The following TBC1D22A variants were observed in gnomAD, a reference collection of about 807,000 sequenced individuals.
The protein encoded by TBC1D22A is putative GTPase activator.
A neutral mutation model predicts 60.2 loss-of-function variants in TBC1D22A; 38 were observed. The observed-to-expected ratio is 0.63, with a 90% CI of 0.49 to 0.83. TBC1D22A has a LOEUF of 0.83. TBC1D22A is among the 40% of genes least tolerant of loss of function. TBC1D22A has a pLI of 0.00. For missense variants in TBC1D22A, 628 were observed against 701.0 expected (o/e 0.90, Z 1.18); for synonymous variants, 302 against 281.7 (o/e 1.07, Z -0.72).
At chr22:46,987,050 A>T (rs1418137633) in intron 9 of TBC1D22A, among the ~76,000 whole-genome samples, 1 of 152,138 alleles carries the variant, frequency 6.6e-6, no homozygotes, top group African/African-American at 2.4e-5. Context: ...TGGCCTTGGG[A>T]TAGTCAGACC....
intron 12 of TBC1D22A, chr22:47,117,247 A>G (rs538574938): frequency 2.4e-5 from 4 of 166,646 alleles, no homozygotes; most frequent in Non-Finnish European, 5.2e-5. Flanking sequence ...GAAGCAGGAA[A>G]AATTGTGTCC....
intron 7 of TBC1D22A, among the ~76,000 whole-genome samples, chr22:46,908,543 C>G (rs2069658355): frequency 6.6e-6 from 1 of 152,186 alleles, no homozygotes; most frequent in Non-Finnish European, 1.5e-5. Flanking sequence ...CGAGTTAAAT[C>G]TGAAGAATTT....
intron 5 of TBC1D22A, among the ~76,000 whole-genome samples, chr22:46,882,466 G>T (rs191291947): frequency 3.3e-5 from 5 of 152,192 alleles, no homozygotes; most frequent in Middle Eastern, 3.2e-3. Context: ...GCAAGGTGGG[G>T]CATACATGAG....
intron 5 of TBC1D22A, among the ~76,000 whole-genome samples, chr22:46,891,034 C>A (rs574549266): frequency 6.6e-6 from 1 of 152,142 alleles, no homozygotes; most frequent in Non-Finnish European, 1.5e-5. Context: ...AGGCTGCGGA[C>A]GCAAGCCCAG....
rs868355772 is a variant in TBC1D22A, at chr22:47,070,045, T to C, written c.1329+32847T>C. 1.7e-3 allele frequency among the ~76,000 whole-genome samples: 192 copies of C among 114,294 alleles called. 1 individual carries two copies. Among genetic ancestry groups the C allele is most frequent in the African/African-American group, 3.2e-3 (79 of 24,940 alleles). 75.0% of individuals were successfully genotyped at this position (114,294 alleles called of 152,430 possible). On this transcript the variant is annotated intron_variant, in intron 11 of 12. Coordinates refer to ENST00000337137, the MANE Select transcript of TBC1D22A (RefSeq NM_014346.5). ...TTTGGTTGGAGCGGAGCTGACCTGA[T>C]GGTTCCAGGCTGTTCCCTGTTGTTT... is the stretch of plus-strand genomic sequence containing the variant.
intron 4 of TBC1D22A, among the ~76,000 whole-genome samples, chr22:46,798,123 T>C (rs1228932489): frequency 6.6e-6 from 1 of 152,218 alleles, no homozygotes; most frequent in Non-Finnish European, 1.5e-5. Flanking sequence ...GAGATCCTCC[T>C]GCCTCAGCCT....
chr22:46,813,419 G>A (rs945395730), intron 4 of TBC1D22A, among the ~76,000 whole-genome samples: 1 of 152,216 alleles, frequency 6.6e-6, no homozygotes, highest in Admixed American at 6.5e-5. Context: ...GCCAGTATGG[G>A]TGACTTCTCT....
intron 1 of TBC1D22A, among the ~76,000 whole-genome samples, chr22:46,788,051 C>T (rs938907019): frequency 1.3e-5 from 2 of 151,788 alleles, no homozygotes; most frequent in African/African-American, 4.8e-5. Flanking sequence ...ATTCTCTTGC[C>T]TCAGCCTCCT....
chr22:47,088,043 A>G (rs2064771302), intron 11 of TBC1D22A, among the ~76,000 whole-genome samples: 1 of 151,918 alleles, frequency 6.6e-6, no homozygotes. Flanking sequence ...ACTGCACTCC[A>G]GCCTGGGCAA....
intron 10 of TBC1D22A, among the ~76,000 whole-genome samples, chr22:47,033,356 G>A (rs951310525): frequency 6.6e-6 from 1 of 152,194 alleles, no homozygotes; most frequent in Non-Finnish European, 1.5e-5. Flanking sequence ...AAAACTCCTC[G>A]CTATTGCTGT....
At chr22:46,936,668 A>G (rs2071676820) in intron 8 of TBC1D22A, among the ~76,000 whole-genome samples, 2 of 152,222 alleles carry the variant, frequency 1.3e-5, no homozygotes, top group Admixed American at 1.3e-4. Context: ...TCTGCAATGG[A>G]GCCCTGAACA....
intron 11 of TBC1D22A, among the ~76,000 whole-genome samples, chr22:47,057,920 G>C (rs535015670): frequency 1.3e-5 from 2 of 152,330 alleles, no homozygotes; most frequent in African/African-American, 4.8e-5. Context: ...AAAGGGACCT[G>C]CTGGGCAGTT....
chr22:47,053,675 G>T (rs1046108985), intron 11 of TBC1D22A, among the ~76,000 whole-genome samples: 1 of 152,346 alleles, frequency 6.6e-6, no homozygotes, highest in Admixed American at 6.5e-5. Flanking sequence ...ACATATTGTC[G>T]GGCTCATCTT....
intron 12 of TBC1D22A, among the ~76,000 whole-genome samples, chr22:47,162,051 G>A (rs909081122): frequency 3.9e-5 from 6 of 152,158 alleles, no homozygotes; most frequent in Admixed American, 1.3e-4. Context: ...TGACCTGTTT[G>A]TCTCTTTCAA....
chr22:47,137,244 A>G (rs1241683764), intron 12 of TBC1D22A, among the ~76,000 whole-genome samples: 3 of 152,214 alleles, frequency 2.0e-5, no homozygotes, highest in African/African-American at 7.2e-5. Flanking sequence ...GATAAAGCAC[A>G]CAGAAGAAGT....
chr22:46,845,814 T>C (rs76948592), intron 4 of TBC1D22A, among the ~76,000 whole-genome samples: 1,580 of 152,330 alleles, frequency 0.01, 18 homozygotes, highest in Non-Finnish European at 0.015. Flanking sequence ...ATGATGATCA[T>C]GTACTAGTTG....
chr22:46,915,542 A>T (rs1164507719), intron 8 of TBC1D22A: 1 of 456,642 alleles, frequency 2.2e-6, no homozygotes, highest in Admixed American at 2.3e-5. Flanking sequence ...ACCTCCTGAG[A>T]GCTGCAGCTG....
At chr22:47,047,055 G>C (rs138872565) in intron 11 of TBC1D22A, among the ~76,000 whole-genome samples, 127 of 152,388 alleles carry the variant, frequency 8.3e-4, no homozygotes, top group Admixed American at 2.0e-3. Context: ...CTTTAGGCCT[G>C]TTGTGGGACG....
rs951063758 is a variant in TBC1D22A at position 47,009,612 on chromosome 22, C to T, written c.1201+11903C>T. On this transcript the variant is annotated intron_variant, in intron 10 of 12. Coordinates refer to ENST00000337137, the MANE Select transcript of TBC1D22A (RefSeq NM_014346.5). The surrounding 1 kb of genome is among the most constrained non-coding windows in gnomAD (Gnocchi z 5.8). ...ACCATCATTCTGTCATCACCATCAT[C>T]ATTACTATCACCATCATTTCATCAC... 6.6e-6 allele frequency among the ~76,000 whole-genome samples: 1 copy of T among 152,114 alleles called. No individual in the cohort carries two copies.
Sources: gnomAD v4.1 joint callset for allele counts (sites outside exome capture counted in the v4.1 genomes callset) on GRCh38, gnomAD v4.1.1 for gene constraint, Gnocchi (gnomAD v3.1) non-coding constraint, MANE v1.5 for transcripts, NCBI Gene and HGNC (gene_info 2026-07-23, HGNC 2026-07-21) for gene names.